Variants in SELENOP observed in about 807,000 individuals in gnomAD.
The protein encoded by SELENOP is selenoprotein P.
Under a neutral mutation model 41.0 loss-of-function variants are expected in SELENOP, and 36 were observed. That is an observed-to-expected ratio of 0.88 (90% confidence interval 0.67 to 1.16). SELENOP has a LOEUF of 1.16. SELENOP is among the 50% of genes most tolerant of loss of function. The pLI is 0.00. For synonymous variants in SELENOP, 144 were observed against 150.8 expected, an observed-to-expected ratio of 0.95 and a Z score of 0.33; for missense variants, 440 against 454.2, an observed-to-expected ratio of 0.97 and a Z score of 0.28.
rs148260285 is a variant in SELENOP at position 42,809,584 on chromosome 5, A to G, written c.-13-1218T>C. 5.3e-5 allele frequency among the ~76,000 whole-genome samples: 8 copies of G among 152,342 alleles called. No homozygotes were observed. In the East Asian group the frequency reaches 1.4e-3, roughly 26 times the overall value. ...ACTGATTTGAAATTTTTAAAAGCAG[A>G]TGCATTTCTTTGGAGGTGGGGAGCT... is the stretch of plus-strand genomic sequence containing the variant. On this transcript the variant is annotated intron_variant, in intron 1 of 4. Transcript: ENST00000514985.
intron 1 of SELENOP, chr5:42,809,785 TTAAC>T: frequency 7.3e-6 from 7 of 958,574 alleles, no homozygotes; most frequent in Non-Finnish European, 8.7e-6. Context: ...TGATAAGAAC[TTAAC>T]TAGAGAGAGT....
chr5:42,804,200 G>A (rs1484519879), intron 4 of SELENOP, among the ~76,000 whole-genome samples: 1 of 152,180 alleles, frequency 6.6e-6, no homozygotes, highest in Non-Finnish European at 1.5e-5. Flanking sequence ...GGTGGCTCAC[G>A]CCTGTAATCC....
At chr5:42,804,244 A>G (rs1368150263) in intron 4 of SELENOP, among the ~76,000 whole-genome samples, 2 of 152,110 alleles carry the variant, frequency 1.3e-5, no homozygotes, top group Non-Finnish European at 2.9e-5. Context: ...GGCGTATCAC[A>G]AGGGCTGGAG....
At chr5:42,810,133 A>G (rs961089336) in intron 1 of SELENOP, among the ~76,000 whole-genome samples, 1 of 152,204 alleles carries the variant, frequency 6.6e-6, no homozygotes, top group Non-Finnish European at 1.5e-5. Context: ...TAACTTGTCT[A>G]TGATCACACA....
At chr5:42,811,757 A>G (rs1450269086) in intron 1 of SELENOP, 79 bp downstream of exon 1, 1 of 152,176 alleles carries the variant, frequency 6.6e-6, no homozygotes, top group Non-Finnish European at 1.5e-5. Context: ...CTATGGAAAA[A>G]AACAATTTAT....
chr5:42,801,412 A>G, intron 4 of SELENOP, 81 bp from the exon 5 acceptor site: 3 of 1,074,518 alleles, frequency 2.8e-6, no homozygotes, highest in Non-Finnish European at 4.0e-6. Flanking sequence ...TAGAGCTAAC[A>G]TGTGAAATTC....
chr5:42,805,317 CT>C (rs1760308508), intron 3 of SELENOP: 1 of 152,172 alleles, frequency 6.6e-6, no homozygotes, highest in Non-Finnish European at 1.5e-5. Context: ...TTAAAATGTT[CT>C]TCTTGCCTAC....
chr5:42,800,931 GTT>G lies in SELENOP; in HGVS notation c.933_934del (p.Lys311AsnfsTer?). The G allele has an allele frequency of 1.9e-6, 3 of 1,614,190 alleles. No individual in the cohort carries two copies. The South Asian group carries it at 3.3e-5, about 18-fold the overall frequency. On this transcript the variant is annotated frameshift_variant, in exon 5 of 5. Coordinates refer to ENST00000514985, the MANE Select transcript of SELENOP (RefSeq NM_005410.4). LOFTEE classifies it high-confidence loss of function. ...ACACTGTCAGGTGATTGCAGACCCT[GTT>G]TTTTCAAATATCAGATGTCGACAAT... is the stretch of plus-strand genomic sequence containing the variant.
Position 42,801,005 on chromosome 5 carries a change from A to G in SELENOP, c.861T>C (p.Cys287=). Residue 287 remains cysteine, a synonymous_variant, in exon 5 of 5, where the codon TGT becomes TGC. Transcript: ENST00000514985. ...CRKRCINQLL[C]KLPTDSELAP... ...CCAACTCTGAATCTGTGGGCAATTT[A>G]CAGAGTAATTGATTTATACATCTCT... 1 of 1,614,146 alleles carries G rather than the reference A, an allele frequency of 6.2e-7. No individual in the cohort carries two copies. The highest frequency in any genetic ancestry group is 8.5e-7 in the Non-Finnish European group (1 of 1,179,962).
intron 1 of SELENOP, among the ~76,000 whole-genome samples, chr5:42,809,575 T>TA (rs1760416522): frequency 6.6e-6 from 1 of 152,212 alleles, no homozygotes; most frequent in Non-Finnish European, 1.5e-5. Flanking sequence ...TTGAAATTTT[T>TA]AAAAGCAGAT....
intron 1 of SELENOP, among the ~76,000 whole-genome samples, chr5:42,811,131 C>T (rs1442875742): frequency 6.6e-6 from 1 of 152,220 alleles, no homozygotes; most frequent in Non-Finnish European, 1.5e-5. Context: ...TTCAGACCTA[C>T]ATTTATTTAA....
rs200167829 is a variant in SELENOP at position 42,808,137 on chromosome 5, A to G, written c.203+14T>C. 1.9e-4 allele frequency: 267 copies of G among 1,416,444 alleles called. 1 individual carries two copies. The highest frequency in any genetic ancestry group is 7.5e-4 in the Middle Eastern group (4 of 5,354). The allele number at this position is 1,416,444 out of a possible 1,614,324, so 87.7% of individuals were successfully genotyped here. A position where few individuals can be genotyped will look rare whatever the true frequency, so the allele number is the denominator to read the frequency against. ...CCCCTTAAGGTATTTTAAGCCACAG[A>G]AAGACTGTCTTACTTAGATGCCTGC... On this transcript the variant is annotated intron_variant, in intron 2 of 4. Coordinates refer to ENST00000514985, the MANE Select transcript of SELENOP (RefSeq NM_005410.4).
chr5:42,804,237 G>GT (rs1475849928), intron 4 of SELENOP, among the ~76,000 whole-genome samples: 1 of 152,192 alleles, frequency 6.6e-6, no homozygotes, highest in Non-Finnish European at 1.5e-5. Flanking sequence ...CGAGGCGGGC[G>GT]TATCACAAGG....
intron 4 of SELENOP, 154 bp from the exon 5 acceptor site, chr5:42,801,485 G>C (rs1760201735): frequency 1.7e-6 from 1 of 578,244 alleles, no homozygotes; most frequent in Non-Finnish European, 3.0e-6. Context: ...TCTGATGTTA[G>C]TCTCAACACC....
intron 4 of SELENOP, among the ~76,000 whole-genome samples, chr5:42,803,071 A>G (rs1228712319): frequency 2.0e-5 from 3 of 152,154 alleles, no homozygotes; most frequent in Non-Finnish European, 4.4e-5. Context: ...TAAATACTAC[A>G]TAAGATAATA....
chr5:42,804,850 G>T, intron 3 of SELENOP, 77 bp from the exon 4 acceptor site: 2 of 910,812 alleles, frequency 2.2e-6, no homozygotes, highest in Non-Finnish European at 3.4e-6. Flanking sequence ...TCTGGGATAG[G>T]TATTATAGGT....
chr5:42,800,476 G>GA lies in SELENOP; in HGVS notation c.*243dup, dbSNP rs930806262. The GA allele has an allele frequency of 1.5e-3, 627 of 407,160 alleles. No individual in the cohort carries two copies. The highest frequency in any genetic ancestry group is 4.7e-3 in the Middle Eastern group (7 of 1,496). 25.2% of individuals were successfully genotyped at this position (407,160 alleles called of 1,614,324 possible). A position where few individuals can be genotyped will look rare whatever the true frequency, so the allele number is the denominator to read the frequency against. On this transcript the variant is annotated 3_prime_UTR_variant, in exon 5 of 5. Transcript: ENST00000514985. ...TAAAGCAAATAGAACACTGGAAAAA[G>GA]AAAAAAAAAGACATATTAACCAAAA...
At position 42,800,183 on chromosome 5, in the gene SELENOP, A is replaced by G. The variant is rs1385500746; in HGVS notation, c.*537T>C. The G allele has an allele frequency of 6.2e-6, 1 of 161,638 alleles. No homozygotes were observed. The highest frequency in any genetic ancestry group is 1.8e-4 in the East Asian group (1 of 5,488). The allele number at this position is 161,638 out of a possible 1,614,324, so 10.0% of individuals were successfully genotyped here. A position where few individuals can be genotyped will look rare whatever the true frequency, so the allele number is the denominator to read the frequency against. ...GATAGTAAAAATCAGGATGAGTCTT[A>G]GATATACAAAAGATAAATGGATATT... is the stretch of plus-strand genomic sequence containing the variant. On this transcript the variant is annotated 3_prime_UTR_variant, in exon 5 of 5. Coordinates refer to ENST00000514985, the MANE Select transcript of SELENOP (RefSeq NM_005410.4).
At position 42,800,481 on chromosome 5, in the gene SELENOP, A is replaced by C. The variant is rs1760157742; in HGVS notation, c.*239T>G. On this transcript the variant is annotated 3_prime_UTR_variant, in exon 5 of 5. Transcript: ENST00000514985. ...CAAATAGAACACTGGAAAAAGAAAA[A>C]AAAAGACATATTAACCAAAAGCTGC... The C allele has an allele frequency of 2.3e-6, 1 of 433,278 alleles. No homozygotes were observed. Among genetic ancestry groups the C allele is most frequent in the African/African-American group, 2.0e-5 (1 of 49,462 alleles). 26.8% of individuals were successfully genotyped at this position (433,278 alleles called of 1,614,324 possible).
Sources: allele counts gnomAD v4.1 joint callset (sites outside exome capture counted in the v4.1 genomes callset), GRCh38; gene constraint gnomAD v4.1.1; transcripts MANE v1.5; gene names NCBI Gene and HGNC (gene_info 2026-07-23, HGNC 2026-07-21).